GOLGA6L22: variants seen among roughly 807,000 people sequenced by gnomAD.
The protein encoded by GOLGA6L22 is golgin A6 family like 22.
Under a neutral mutation model 77.1 loss-of-function variants are expected in GOLGA6L22, and 28 were observed. That is an observed-to-expected ratio of 0.36 (90% CI 0.27 to 0.50). GOLGA6L22 has a LOEUF of 0.50. GOLGA6L22 is among the 20% of genes least tolerant of loss of function. The probability of loss-of-function intolerance (pLI) is 0.97; values close to 1 mark genes in which losing one functional copy is unlikely to be tolerated. For synonymous variants in GOLGA6L22, 62 were observed against 185.3 expected, an observed-to-expected ratio of 0.33 and a Z score of 5.41; for missense variants, 250 against 620.4, an observed-to-expected ratio of 0.40 and a Z score of 6.34.
chr15:22,461,891 T>A, intron 2 of GOLGA6L22, 143 bp from the exon 3 acceptor site: 1 of 794,378 alleles, frequency 1.3e-6, no homozygotes, highest in Non-Finnish European at 2.0e-6. Flanking sequence ...CCCCCAAGAT[T>A]CCACCCCATC....
At chr15:22,463,133 AT>A (rs1887572071) in intron 5 of GOLGA6L22, among the ~76,000 whole-genome samples, 1 of 132,162 alleles carries the variant, frequency 7.6e-6, no homozygotes, top group African/African-American at 3.4e-5. Context: ...CATGTTTTTC[AT>A]CTACACAATA....
At chr15:22,465,716 C>T in exon 8 of GOLGA6L22, 2 of 1,126,332 alleles carry the variant, frequency 1.8e-6, no homozygotes, top group Non-Finnish European at 2.4e-6. Context: ...GGAGAAGATG[C>T]ACGACCAGGA....
rs537961764 is a variant in GOLGA6L22 at position 22,463,162 on chromosome 15, C to T, written c.433-679C>T. On this transcript the variant is annotated intron_variant, in intron 5 of 8. Transcript: ENST00000622895. ...ACACAATAGAGGTAATAATGGTAAC[C>T]GTCTCCTATGGAGGTTGTGAGGATT... Among the ~76,000 whole-genome samples the T allele has an allele frequency of 3.0e-5, 4 of 134,500 alleles. 1 individual carries two copies. Among genetic ancestry groups the T allele is most frequent in the East Asian group, 2.0e-4 (1 of 4,994 alleles). 88.2% of individuals were successfully genotyped at this position (134,500 alleles called of 152,430 possible).
intron 5 of GOLGA6L22, among the ~76,000 whole-genome samples, chr15:22,463,277 T>C (rs1205275979): frequency 1.3e-5 from 2 of 149,838 alleles, no homozygotes; most frequent in African/African-American, 2.5e-5. Flanking sequence ...AACAATATTA[T>C]CTGATCGCTC....
chr15:22,464,851 GTTAAC>G lies in GOLGA6L22; in HGVS notation c.634-174_634-170del, dbSNP rs561359626. 3.6e-3 allele frequency among the ~76,000 whole-genome samples: 464 copies of G among 128,690 alleles called. 3 individuals are homozygous for G. Among genetic ancestry groups the G allele is most frequent in the African/African-American group, 0.015 (444 of 30,334 alleles). 84.4% of individuals were successfully genotyped at this position (128,690 alleles called of 152,430 possible). On this transcript the variant is annotated intron_variant, in intron 7 of 8. Transcript: ENST00000622895. ...TTTAGTAGAGACGGGGTTTCACTGT[GTTAAC>G]CAGGATGGTCTCGATCTCCTGACCT... is the stretch of plus-strand genomic sequence containing the variant.
chr15:22,462,031 T>C lies in GOLGA6L22; in HGVS notation c.181-3T>C. On this transcript the variant is annotated splice_region_variant and splice_polypyrimidine_tract_variant and intron_variant, in intron 2 of 8. Transcript: ENST00000622895. The stretch of plus-strand genomic sequence containing the variant: ...TAAGAGCTCTGTTTTCCTCTTTCTA[T>C]AGGAACAGAAGGCAAGCCACCAACA... 6.9e-7 allele frequency: 1 copy of C among 1,458,750 alleles called. No homozygotes were observed. 90.4% of individuals were successfully genotyped at this position (1,458,750 alleles called of 1,614,324 possible). A position where few individuals can be genotyped will look rare whatever the true frequency, so the allele number is the denominator to read the frequency against.
rs550262370 is a variant in GOLGA6L22, at chr15:22,464,630, CATTTATTT to C, written c.633+288_633+295del. Among the ~76,000 whole-genome samples, 342 of 109,530 alleles carry C rather than the reference CATTTATTT, an allele frequency of 3.1e-3. 15 individuals are homozygous for C. The highest frequency in any genetic ancestry group is 0.013 in the African/African-American group (279 of 21,556). 71.9% of individuals were successfully genotyped at this position (109,530 alleles called of 152,430 possible). On this transcript the variant is annotated intron_variant, in intron 7 of 8. Coordinates refer to ENST00000622895, the Ensembl canonical transcript of GOLGA6L22. ...ATGAAAACCATTATTTTATAGATTACATTTATTTATTTATTTATTTATTTATTTATTTA... is the reference window on the plus strand; with the variant it reads ...ATGAAAACCATTATTTTATAGATTACATTTATTTATTTATTTATTTATTTA...
At chr15:22,463,407 T>A (rs1887582570) in intron 5 of GOLGA6L22, among the ~76,000 whole-genome samples, 1 of 137,982 alleles carries the variant, frequency 7.2e-6, no homozygotes, top group South Asian at 2.4e-4. Flanking sequence ...ATGCCAGCAC[T>A]TTGGGAGGCT....
intron 5 of GOLGA6L22, among the ~76,000 whole-genome samples, chr15:22,463,063 A>G (rs1887570118): frequency 7.4e-6 from 1 of 134,584 alleles, no homozygotes; most frequent in African/African-American, 3.1e-5. Context: ...AATCAGATAT[A>G]CCTGGGTGTT....
chr15:22,465,978 G>A lies in GOLGA6L22; in HGVS notation c.1586G>A (p.Arg529Gln), dbSNP rs1425998903. 1.6e-5 allele frequency: 15 copies of A among 911,606 alleles called. 1 individual carries two copies. Among genetic ancestry groups the A allele is most frequent in the African/African-American group, 6.3e-5 (2 of 31,790 alleles). The allele number at this position is 911,606 out of a possible 1,614,324, so 56.5% of individuals were successfully genotyped here. Residue 529 changes from arginine to glutamine, a missense_variant, in exon 8 of 9, where the codon CGG (arginine) becomes CAG (glutamine). Coordinates refer to ENST00000622895, the Ensembl canonical transcript of GOLGA6L22. ...ATGTGGAGGCAGGAGGAGAAGATAC[G>A]GGAGCAGGAGGAGAAGGTGTGGAGG...
At chr15:22,463,284 G>A (rs1233180237) in intron 5 of GOLGA6L22, among the ~76,000 whole-genome samples, 3 of 149,526 alleles carry the variant, frequency 2.0e-5, no homozygotes, top group Admixed American at 6.7e-5. Context: ...TTATCTGATC[G>A]CTCTGGGCCC....
chr15:22,469,107 A>G lies in GOLGA6L22; in HGVS notation c.*1626A>G, dbSNP rs80157958. ...AGAGCCACTTTGACCAGGCTTACCC[A>G]GCACTAAATCCCTGCCTGCTCTCTC... On this transcript the variant is annotated 3_prime_UTR_variant, in exon 9 of 9. Transcript: ENST00000622895. The G allele has an allele frequency of 6.7e-5, 8 of 119,346 alleles. 2 individuals carry two copies. The highest frequency in any genetic ancestry group is 1.3e-4 in the Non-Finnish European group (8 of 61,814). The allele number at this position is 119,346 out of a possible 1,614,324, so 7.4% of individuals were successfully genotyped here. A position where few individuals can be genotyped will look rare whatever the true frequency, so the allele number is the denominator to read the frequency against.
chr15:22,466,705 G>A, exon 8 of GOLGA6L22: 1 of 593,876 alleles, frequency 1.7e-6, no homozygotes, highest in Non-Finnish European at 2.9e-6. Flanking sequence ...AGGAGGAGAA[G>A]ATGTGTGAGC....
Position 22,465,749 on chromosome 15 carries a change from G to A in GOLGA6L22, c.1357G>A (p.Glu453Lys), listed in dbSNP as rs529246240. Reference sequence around the variant, plus strand: ...GGAGGAGAAGATACGGGAGCAGGAGGAGAAGGTGTGGAGGCAGGAGGAGAA... The same window carrying A: ...GGAGGAGAAGATACGGGAGCAGGAGAAGAAGGTGTGGAGGCAGGAGGAGAA... Residue 453 changes from glutamate (E) to lysine (K), a missense_variant, in exon 8 of 9, where the codon GAG becomes AAG. Glu to Lys is a moderately conservative substitution (Grantham distance 56, BLOSUM62 1). Transcript: ENST00000622895. 6.4e-4 allele frequency: 863 copies of A among 1,346,644 alleles called. 74 individuals carry two copies. In the Admixed American group the frequency reaches 0.015, roughly 24 times the overall value. 83.4% of individuals were successfully genotyped at this position (1,346,644 alleles called of 1,614,324 possible).
rs572890726 is a variant in GOLGA6L22, at chr15:22,466,372, G to T, written c.1980G>T (p.Met660Ile). 4.4e-6 allele frequency: 6 copies of T among 1,371,514 alleles called. 2 individuals carry two copies. The Admixed American group carries it at 1.4e-4, about 31-fold the overall frequency. 85.0% of individuals were successfully genotyped at this position (1,371,514 alleles called of 1,614,324 possible). The change falls in exon 8 of 9, where the codon ATG (methionine) becomes ATT (isoleucine). Residue 660 changes from methionine to isoleucine, a missense_variant. By Grantham distance (10) the Met-to-Ile change is conservative (BLOSUM62 1). Transcript: ENST00000622895. The stretch of plus-strand genomic sequence containing the variant: ...TGATGCAGGAACAGGAAGAGAAGAT[G>T]GGGGAGCAGGAGGAGAAGATTTGGG...
exon 8 of GOLGA6L22, chr15:22,466,091 G>GAGGAGAAGATACGGGAGCAGA (rs1887702258): frequency 1.1e-6 from 1 of 940,670 alleles, no homozygotes; most frequent in East Asian, 3.1e-5. Context: ...AAGGGAGCAG[G>GAGGAGAAGATACGGGAGCAGA]AGGAGAAGAT....
chr15:22,463,727 T>C lies in GOLGA6L22; in HGVS notation c.433-114T>C, dbSNP rs1595542169. 25 of 507,000 alleles carry C rather than the reference T, an allele frequency of 4.9e-5. No individual in the cohort carries two copies. In the South Asian group the frequency reaches 5.4e-4, roughly 11 times the overall value. The allele number at this position is 507,000 out of a possible 1,614,324, so 31.4% of individuals were successfully genotyped here. On this transcript the variant is annotated intron_variant, in intron 5 of 8. Transcript: ENST00000622895. Reference sequence around the variant, plus strand: ...GGAAATGCCTTGAGAACACGTCAGGTGTGATTGAGAGTGAGGAAGTGTTAC... The same window carrying C: ...GGAAATGCCTTGAGAACACGTCAGGCGTGATTGAGAGTGAGGAAGTGTTAC...
In GOLGA6L22 at chr15:22,463,025, T is replaced by TA. The variant is rs1887569254; in HGVS notation, c.432+558dup. 1.5e-5 allele frequency among the ~76,000 whole-genome samples: 2 copies of TA among 135,610 alleles called. 1 individual carries two copies. Among genetic ancestry groups the TA allele is most frequent in the South Asian group, 4.8e-4 (2 of 4,182 alleles). The allele number at this position is 135,610 out of a possible 152,430, so 89.0% of individuals were successfully genotyped here. On this transcript the variant is annotated intron_variant, in intron 5 of 8. Transcript: ENST00000622895. ...ATTTCCTCCTTCTTAACTGTGCCCCTACCTCCAGCGAAAGAATGGGCTTAG... is the reference window on the plus strand; with the variant it reads ...ATTTCCTCCTTCTTAACTGTGCCCCTAACCTCCAGCGAAAGAATGGGCTTAG...
At chr15:22,463,318 T>A (rs1420312148) in intron 5 of GOLGA6L22, among the ~76,000 whole-genome samples, 3 of 148,374 alleles carry the variant, frequency 2.0e-5, no homozygotes, top group Non-Finnish European at 4.5e-5. Flanking sequence ...CTAAATTCAA[T>A]CTCTTTCCCT....
Sources: allele counts gnomAD v4.1 joint callset (sites outside exome capture counted in the v4.1 genomes callset), GRCh38; gene constraint gnomAD v4.1.1; transcripts MANE v1.5; gene names NCBI Gene and HGNC (gene_info 2026-07-23, HGNC 2026-07-21).